Variants in CKB observed in about 807,000 individuals in gnomAD.
CKB encodes the protein creatine kinase B-type.
In CKB, 15 loss-of-function variants were observed where a neutral mutation model predicts 36.9. The observed-to-expected ratio is 0.41, with a 90% confidence interval of 0.27 to 0.63. CKB has a LOEUF of 0.63. CKB is among the 20% of genes least tolerant of loss of function. The pLI, the probability that CKB is intolerant of heterozygous loss-of-function variation, is 0.34. For synonymous variants in CKB, 250 were observed against 228.2 expected (o/e 1.10, Z -0.86); for missense variants, 413 against 534.9 (o/e 0.77, Z 2.25).
At chr14:103,521,134 G>A (rs1446857711) in intron 5 of CKB, 129 bp downstream of exon 5, 4 of 1,171,830 alleles carry the variant, frequency 3.4e-6, no homozygotes, top group Admixed American at 4.0e-5. Flanking sequence ...CCCGGAGCGC[G>A]GCCGGCCCCT....
Position 103,519,905 on chromosome 14 carries a change from G to A in CKB, c.1105C>T (p.Gln369Ter). The A allele has an allele frequency of 6.2e-7, 1 of 1,607,926 alleles. No individual in the cohort carries two copies. The change falls in exon 8 of 8, where the codon CAG becomes TAG. Residue 369 changes from glutamine to a stop codon, truncating the protein, a stop_gained. Transcript: ENST00000348956. LOFTEE classifies it high-confidence loss of function. ...LLIEMEQRLEQGQAIDDLMPA... is the reference protein window; with the variant it reads ...LLIEMEQRLE ...ATGAGGTCGTCGATGGCCTGGCCCT[G>A]CTCCAGCCGCTGCTCCATCTCGATG...
At position 103,521,291 on chromosome 14, in the gene CKB, G is replaced by C; in HGVS notation, c.625C>G (p.Arg209Gly). 1 of 1,602,796 alleles carries C rather than the reference G, an allele frequency of 6.2e-7. No individual in the cohort carries two copies. The highest frequency in any genetic ancestry group is 8.5e-7 in the Non-Finnish European group (1 of 1,177,386). Residue 209 changes from arginine to glycine, a missense_variant, in exon 5 of 8, where the codon CGC becomes GGC. Arg to Gly is a moderately radical substitution (Grantham distance 125, BLOSUM62 -2). Transcript: ENST00000348956. Reference sequence around the variant, plus strand: ...ATACCGCGGGCGTCGGGCCAGTCGCGGGCCATGCCCGAGGCCAGCAGCAGG... The same window carrying C: ...ATACCGCGGGCGTCGGGCCAGTCGCCGGCCATGCCCGAGGCCAGCAGCAGG... Reference protein sequence around the residue: ...SPLLLASGMARDWPDARGIWH... With the variant: ...SPLLLASGMAGDWPDARGIWH...
rs2075900217 is a variant in CKB, at chr14:103,521,422, A to T, written c.494T>A (p.Leu165Gln). 1 of 1,599,340 alleles carries T rather than the reference A, an allele frequency of 6.3e-7. No individual in the cohort carries two copies. The change falls in exon 5 of 8, where the codon CTG becomes CAG. Residue 165 changes from leucine to glutamine, a missense_variant. Physicochemically the swap from Leu to Gln is moderately radical, Grantham distance 113. Around this residue, in one of 3 missense-constraint regions of CKB, gnomAD observed 314 missense variants for 409.4 expected, o/e 0.77. Coordinates refer to ENST00000348956, the MANE Select transcript of CKB (RefSeq NM_001823.5). ...GTATCGGCCCGCCAGGTCGCCGTCCAGGCTGGACAGGGCTGCGAGGGGTGC... is the reference window on the plus strand; with the variant it reads ...GTATCGGCCCGCCAGGTCGCCGTCCTGGCTGGACAGGGCTGCGAGGGGTGC... ...EKLAVEALSS[L>Q]DGDLAGRYYA...
Position 103,522,275 on chromosome 14 carries a change from G to T in CKB, c.193+26C>A, listed in dbSNP as rs2985906. ...GCTGCGCGGGGGGAGGGGGGGCCGG[G>T]ACCCCGGCCCCGAGGGGTCGCGTAC... On this transcript the variant is annotated intron_variant, in intron 2 of 7. Coordinates refer to ENST00000348956, the MANE Select transcript of CKB (RefSeq NM_001823.5). The surrounding 1 kb of genome is among the most constrained non-coding windows in gnomAD (Gnocchi z 6.7). The T allele has an allele frequency of 1.3e-6, 2 of 1,585,852 alleles. No individual in the cohort carries two copies. The highest frequency in any genetic ancestry group is 1.8e-5 in the Admixed American group (1 of 56,152).
intron 4 of CKB, 27 bp from the exon 5 acceptor site, chr14:103,521,461 G>A: frequency 1.3e-6 from 2 of 1,496,812 alleles, no homozygotes; most frequent in Non-Finnish European, 8.8e-7. Flanking sequence ...CAGGACGCTC[G>A]GCTCCCGCGC....
chr14:103,522,246 T>C lies in CKB; in HGVS notation c.193+55A>G. 3.7e-6 allele frequency: 5 copies of C among 1,367,582 alleles called. No individual in the cohort carries two copies. Among genetic ancestry groups the C allele is most frequent in the Non-Finnish European group, 3.9e-6 (4 of 1,025,422 alleles). 84.7% of individuals were successfully genotyped at this position (1,367,582 alleles called of 1,614,324 possible). A position where few individuals can be genotyped will look rare whatever the true frequency, so the allele number is the denominator to read the frequency against. On this transcript the variant is annotated intron_variant, in intron 2 of 7. Coordinates refer to ENST00000348956, the MANE Select transcript of CKB (RefSeq NM_001823.5). This position sits in a 1 kb window ranked among gnomAD's most constrained non-coding sequence, Gnocchi z 6.7. The stretch of plus-strand genomic sequence containing the variant: ...GGCCCGAGCGCGCTGCTGAGGACCC[T>C]GCGGCTGCGCGGGGGGAGGGGGGGC...
intron 6 of CKB, 67 bp downstream of exon 6, chr14:103,520,402 G>A (rs957222903): frequency 9.5e-6 from 15 of 1,587,068 alleles, no homozygotes; most frequent in East Asian, 6.8e-5. Flanking sequence ...CCCCCGGGGG[G>A]ACTGATGCTG....
intron 5 of CKB, 109 bp from the exon 6 acceptor site, chr14:103,520,701 G>A: frequency 7.1e-7 from 1 of 1,418,146 alleles, no homozygotes; most frequent in Non-Finnish European, 9.3e-7. Flanking sequence ...ATGCCCAGGA[G>A]TGGAGGCTGC....
At chr14:103,521,192 A>C in intron 5 of CKB, 71 bp downstream of exon 5, 5 of 1,494,542 alleles carry the variant, frequency 3.3e-6, no homozygotes, top group Non-Finnish European at 4.5e-6. Context: ...CACCCCCGCG[A>C]GGGGGGCGAG....
chr14:103,521,236 C>G, intron 5 of CKB, 27 bp downstream of exon 5: 1 of 1,558,534 alleles, frequency 6.4e-7, no homozygotes, highest in South Asian at 1.2e-5. Context: ...GGGAGGACGC[C>G]GCGAGAGGGC....
Position 103,522,500 on chromosome 14 carries a change from G to T in CKB, c.-7C>A. On this transcript the variant is annotated 5_prime_UTR_variant, in exon 2 of 8. Coordinates refer to ENST00000348956, the MANE Select transcript of CKB (RefSeq NM_001823.5). The surrounding 1 kb of genome is among the most constrained non-coding windows in gnomAD (Gnocchi z 6.7). ...GGCTGTTGGAGAAGGGCATGGCGGC[G>T]GCGGGCTGCGGGGAGACGCGGGGTC... is the stretch of plus-strand genomic sequence containing the variant. 6.3e-7 allele frequency: 1 copy of T among 1,593,778 alleles called. No homozygotes were observed. Among genetic ancestry groups the T allele is most frequent in the Non-Finnish European group, 8.5e-7 (1 of 1,174,910 alleles).
chr14:103,520,791 T>G (rs918645861), intron 5 of CKB, 199 bp from the exon 6 acceptor site: 1 of 751,860 alleles, frequency 1.3e-6, no homozygotes, highest in Non-Finnish European at 2.1e-6. Context: ...GCTGCCATCA[T>G]GCGCTGTGGC....
rs1265507476 is a variant in CKB, at chr14:103,520,663, C to T, written c.654-71G>A. 34 of 1,523,756 alleles carry T rather than the reference C, an allele frequency of 2.2e-5. No homozygotes were observed. In the Admixed American group the frequency reaches 2.8e-4, roughly 13 times the overall value. 94.4% of individuals were successfully genotyped at this position (1,523,756 alleles called of 1,614,324 possible). ...GCCGCCCCCAGACCAAAGGAACTTC[C>T]CAAGTCCCTGAGGTGCTGCTCCCTG... On this transcript the variant is annotated intron_variant, in intron 5 of 7. Coordinates refer to ENST00000348956, the MANE Select transcript of CKB (RefSeq NM_001823.5).
rs773723702 is a variant in CKB at position 103,520,596 on chromosome 14, C to A, written c.654-4G>T. ...GAAGGTCTTATTGTCATTGTGCCTG[C>A]GGGAGGGCTGGTCTCAGGGCATACC... is the stretch of plus-strand genomic sequence containing the variant. On this transcript the variant is annotated splice_polypyrimidine_tract_variant and splice_region_variant and intron_variant, in intron 5 of 7. Coordinates refer to ENST00000348956, the MANE Select transcript of CKB (RefSeq NM_001823.5). The A allele has an allele frequency of 6.2e-7, 1 of 1,610,772 alleles. No individual in the cohort carries two copies. The highest frequency in any genetic ancestry group is 1.7e-5 in the Admixed American group (1 of 59,708).
In CKB at chr14:103,522,265, G is replaced by T. The variant is rs1447182479; in HGVS notation, c.193+36C>A. The T allele has an allele frequency of 6.4e-7, 1 of 1,571,106 alleles. No homozygotes were observed. Among genetic ancestry groups the T allele is most frequent in the Non-Finnish European group, 8.6e-7 (1 of 1,161,468 alleles). ...GGACCCTGCGGCTGCGCGGGGGGAG[G>T]GGGGGCCGGGACCCCGGCCCCGAGG... is the stretch of plus-strand genomic sequence containing the variant. On this transcript the variant is annotated intron_variant, in intron 2 of 7. Transcript: ENST00000348956. The surrounding 1 kb of genome is among the most constrained non-coding windows in gnomAD (Gnocchi z 6.7).
chr14:103,522,028 G>T lies in CKB; in HGVS notation c.343C>A (p.Leu115Met). 1.3e-6 allele frequency: 2 copies of T among 1,536,264 alleles called. No individual in the cohort carries two copies. The highest frequency in any genetic ancestry group is 1.8e-6 in the Non-Finnish European group (2 of 1,139,180). Residue 115 changes from leucine (L) to methionine (M), a missense_variant, in exon 3 of 8, where the codon CTG becomes ATG. Around this residue, in one of 3 missense-constraint regions of CKB, gnomAD observed 314 missense variants for 409.4 expected, o/e 0.77. Coordinates refer to ENST00000348956, the MANE Select transcript of CKB (RefSeq NM_001823.5). This position sits in a 1 kb window ranked among gnomAD's most constrained non-coding sequence, Gnocchi z 6.7. ...GCCCGCCCGCAGCCCCGCACCTGCA[G>T]GTTGTCGGGGTTGAGGTCGGTCTTG... ...EHKTDLNPDN[L>M]QGGDDLDPNY... is the part of the protein sequence containing the mutation.
In CKB at chr14:103,519,772, C is replaced by G; in HGVS notation, c.*92G>C. 6.9e-7 allele frequency: 1 copy of G among 1,442,938 alleles called. No homozygotes were observed. Among genetic ancestry groups the G allele is most frequent in the Non-Finnish European group, 9.3e-7 (1 of 1,075,908 alleles). The allele number at this position is 1,442,938 out of a possible 1,614,324, so 89.4% of individuals were successfully genotyped here. A position where few individuals can be genotyped will look rare whatever the true frequency, so the allele number is the denominator to read the frequency against. On this transcript the variant is annotated 3_prime_UTR_variant, in exon 8 of 8. Coordinates refer to ENST00000348956, the MANE Select transcript of CKB (RefSeq NM_001823.5). ...AGTCTCTACAGCAAGGCTAAGGGCT[C>G]GCCAGACGGCGAACATCAGGGGTGC...
chr14:103,521,388 G>A lies in CKB; in HGVS notation c.528C>T (p.Leu176=). The A allele has an allele frequency of 6.2e-7, 1 of 1,608,494 alleles. No homozygotes were observed. Among genetic ancestry groups the A allele is most frequent in the Non-Finnish European group, 8.5e-7 (1 of 1,179,296 alleles). ...GCTGCTCCGCCTCCGTCATGCTCTT[G>A]AGCGCGTAGTATCGGCCCGCCAGGT... ...DGDLAGRYYA[L]KSMTEAEQQQ... Residue 176 remains leucine, a synonymous_variant, in exon 5 of 8, where the codon CTC becomes CTT. Coordinates refer to ENST00000348956, the MANE Select transcript of CKB (RefSeq NM_001823.5).
At position 103,522,572 on chromosome 14, in the gene CKB, A is replaced by C; in HGVS notation, c.-12-67T>G. On this transcript the variant is annotated intron_variant, in intron 1 of 7. Coordinates refer to ENST00000348956, the MANE Select transcript of CKB (RefSeq NM_001823.5). This position sits in a 1 kb window ranked among gnomAD's most constrained non-coding sequence, Gnocchi z 6.7. ...GTTCCCGGGCTCCCGCGTACCACTC[A>C]GGCCCCCGCCGCCGGGCCCCCCGGC... 79 of 438,182 alleles carry C rather than the reference A, an allele frequency of 1.8e-4. No homozygotes were observed. Among genetic ancestry groups the C allele is most frequent in the Non-Finnish European group, 2.3e-4 (69 of 295,258 alleles). The allele number at this position is 438,182 out of a possible 1,614,324, so 27.1% of individuals were successfully genotyped here. A position where few individuals can be genotyped will look rare whatever the true frequency, so the allele number is the denominator to read the frequency against.
Sources: allele counts gnomAD v4.1 joint callset, GRCh38; gene constraint gnomAD v4.1.1; regional missense constraint gnomAD v4.1.1; non-coding constraint Gnocchi (gnomAD v3.1); transcripts MANE v1.5; gene names NCBI Gene and HGNC (gene_info 2026-07-23, HGNC 2026-07-21).